The following SLC25A25 variants were observed in gnomAD, a reference collection of about 807,000 sequenced individuals.
SLC25A25 encodes mitochondrial adenyl nucleotide antiporter SLC25A25.
Under a neutral mutation model 57.7 loss-of-function variants are expected in SLC25A25, and 32 were observed. That is an observed-to-expected ratio of 0.55 (90% CI 0.42 to 0.74). SLC25A25 has a LOEUF of 0.74. SLC25A25 is among the 30% of genes least tolerant of loss of function. The probability of loss-of-function intolerance (pLI) is 0.00; values close to 1 mark genes in which losing one functional copy is unlikely to be tolerated. For synonymous variants in SLC25A25, 306 were observed against 291.2 expected (o/e 1.05, Z -0.52); for missense variants, 556 against 701.3 (o/e 0.79, Z 2.34).
intron 1 of SLC25A25, among the ~76,000 whole-genome samples, chr9:128,083,792 A>G (rs910324101): frequency 2.6e-5 from 4 of 151,740 alleles, no homozygotes; most frequent in African/African-American, 9.7e-5. Flanking sequence ...TGCTGGGATT[A>G]CAGGCGTGAG....
At chr9:128,100,235 C>T (rs149807546) in intron 1 of SLC25A25, among the ~76,000 whole-genome samples, 4 of 152,246 alleles carry the variant, frequency 2.6e-5, no homozygotes, top group Admixed American at 6.5e-5. Context: ...GCATTTGGCA[C>T]GCCCTGCGGC....
At position 128,099,515 on chromosome 9, in the gene SLC25A25, T is replaced by G; in HGVS notation, c.262-1581T>G. Reference sequence around the variant, plus strand: ...GATGTTCGCCTCCTGCCTAAATGGCTTGTCCACTCTATTTCCATTCCTGTT... The same window carrying G: ...GATGTTCGCCTCCTGCCTAAATGGCGTGTCCACTCTATTTCCATTCCTGTT... On this transcript the variant is annotated intron_variant, in intron 1 of 10. Transcript: ENST00000373069. The surrounding 1 kb of genome is among the most constrained non-coding windows in gnomAD (Gnocchi z 6.8). The G allele has an allele frequency of 1.6e-6, 1 of 622,890 alleles. No individual in the cohort carries two copies. Among genetic ancestry groups the G allele is most frequent in the Non-Finnish European group, 2.2e-6 (1 of 453,416 alleles). 38.6% of individuals were successfully genotyped at this position (622,890 alleles called of 1,614,324 possible).
Position 128,101,460 on chromosome 9 carries a change from C to T in SLC25A25, c.476+64C>T. Reference sequence around the variant, plus strand: ...GATGAAGGGAAGGCTCTGAGACTAACCCTCCGATGCCATTCCCTGGGCTGA... The same window carrying T: ...GATGAAGGGAAGGCTCTGAGACTAATCCTCCGATGCCATTCCCTGGGCTGA... On this transcript the variant is annotated intron_variant, in intron 3 of 10. Coordinates refer to ENST00000373069, the MANE Select transcript of SLC25A25 (RefSeq NM_001330988.2). This position sits in a 1 kb window ranked among gnomAD's most constrained non-coding sequence, Gnocchi z 4.9. 4 of 1,545,256 alleles carry T rather than the reference C, an allele frequency of 2.6e-6. No individual in the cohort carries two copies. Among genetic ancestry groups the T allele is most frequent in the East Asian group, 2.3e-5 (1 of 44,322 alleles).
At position 128,095,366 on chromosome 9, in the gene SLC25A25, G is replaced by A. The variant is rs10819357; in HGVS notation, c.262-5730G>A. Among the ~76,000 whole-genome samples the A allele has an allele frequency of 0.13, 19,062 of 152,120 alleles. 1,303 individuals are homozygous for A. The highest frequency in any genetic ancestry group is 0.22 in the South Asian group (1,077 of 4,816). On this transcript the variant is annotated intron_variant, in intron 1 of 10. Coordinates refer to ENST00000373069, the MANE Select transcript of SLC25A25 (RefSeq NM_001330988.2). This position sits in a 1 kb window ranked among gnomAD's most constrained non-coding sequence, Gnocchi z 4.4. ...CTTTGGGAATTGGGCAAATCAGGTCGCCTCTCCCAGGCCTGTTTGCTCAAC... is the reference window on the plus strand; with the variant it reads ...CTTTGGGAATTGGGCAAATCAGGTCACCTCTCCCAGGCCTGTTTGCTCAAC...
Position 128,106,364 on chromosome 9 carries a change from C to T in SLC25A25, c.1056C>T (p.Thr352=). ...CTCCTGTTGTGCAGGTCCTGAAGAC[C>T]CGGATGGCGCTGCGGAAGACAGGCC... The part of the protein sequence containing the change: ...SSIYPMEVLK[T]RMALRKTGQY... The change falls in exon 9 of 11, where the codon ACC becomes ACT. Residue 352 remains threonine (T), a synonymous_variant. Coordinates refer to ENST00000373069, the MANE Select transcript of SLC25A25 (RefSeq NM_001330988.2). The T allele has an allele frequency of 1.2e-6, 2 of 1,613,702 alleles. No individual in the cohort carries two copies. The highest frequency in any genetic ancestry group is 2.2e-5 in the South Asian group (2 of 91,058).
chr9:128,106,892 C>G lies in SLC25A25; in HGVS notation c.1213-137C>G, dbSNP rs543689829. ...ATTCCCAGTGACAGCAGAAACAGGGCAGCCAGGCTAGGAGCCCAGCCAGGC... is the reference window on the plus strand; with the variant it reads ...ATTCCCAGTGACAGCAGAAACAGGGGAGCCAGGCTAGGAGCCCAGCCAGGC... On this transcript the variant is annotated intron_variant, in intron 9 of 10. Transcript: ENST00000373069. 9 of 1,048,170 alleles carry G rather than the reference C, an allele frequency of 8.6e-6. No individual in the cohort carries two copies. In the African/African-American group the frequency reaches 1.3e-4, roughly 15 times the overall value. 64.9% of individuals were successfully genotyped at this position (1,048,170 alleles called of 1,614,324 possible).
intron 1 of SLC25A25, among the ~76,000 whole-genome samples, chr9:128,097,269 A>T (rs868575108): frequency 6.6e-6 from 1 of 152,306 alleles, no homozygotes; most frequent in Middle Eastern, 3.4e-3. Context: ...GGAAGGAATG[A>T]GTGGAGAATT....
At position 128,107,273 on chromosome 9, in the gene SLC25A25, C is replaced by T. The variant is rs150859583; in HGVS notation, c.1377C>T (p.Gly459=). ...TCCATCCTGCAGCCTCTATTGAGGG[C>T]GCTCCGGAGGTGACCATGAGCAGCC... is the stretch of plus-strand genomic sequence containing the variant. The part of the protein sequence containing the change: ...TRMQAQASIE[G]APEVTMSSLF... Residue 459 remains glycine (G), a synonymous_variant, in exon 11 of 11, where the codon GGC becomes GGT. Transcript: ENST00000373069. 1.4e-4 allele frequency: 216 copies of T among 1,599,868 alleles called. 1 individual carries two copies. In the African/African-American group the frequency reaches 2.4e-3, roughly 18 times the overall value.
At chr9:128,075,094 G>A (rs1588746930) in intron 1 of SLC25A25, among the ~76,000 whole-genome samples, 1 of 152,152 alleles carries the variant, frequency 6.6e-6, no homozygotes, top group Non-Finnish European at 1.5e-5. Flanking sequence ...CCAAGATCAC[G>A]CCACTGCACT....
intron 1 of SLC25A25, among the ~76,000 whole-genome samples, chr9:128,080,703 G>A (rs1833137162): frequency 6.6e-6 from 1 of 152,130 alleles, no homozygotes; most frequent in Non-Finnish European, 1.5e-5. Context: ...GGGATTACAG[G>A]CGTGAGCCAC....
At chr9:128,084,989 T>C (rs780588903) in intron 1 of SLC25A25, among the ~76,000 whole-genome samples, 12 of 152,246 alleles carry the variant, frequency 7.9e-5, no homozygotes, top group Middle Eastern at 3.4e-3. Context: ...AGAAATGTAC[T>C]ATATTAACCT....
At chr9:128,097,234 C>A (rs1347957607) in intron 1 of SLC25A25, among the ~76,000 whole-genome samples, 1 of 152,182 alleles carries the variant, frequency 6.6e-6, no homozygotes, top group African/African-American at 2.4e-5. Context: ...GACGTGGTCT[C>A]TTCCTCCGCA....
chr9:128,073,738 C>CTT (rs879805302), intron 1 of SLC25A25, among the ~76,000 whole-genome samples: 149 of 145,530 alleles, frequency 1.0e-3, no homozygotes, highest in African/African-American at 3.4e-3. Context: ...AACTAGAATA[C>CTT]TTTTTTTTTT....
chr9:128,077,970 G>A (rs1419992277), intron 1 of SLC25A25, among the ~76,000 whole-genome samples: 2 of 151,304 alleles, frequency 1.3e-5, no homozygotes, highest in Admixed American at 6.6e-5. Flanking sequence ...AGGTTGCAGT[G>A]AACCGAGACT....
chr9:128,102,394 CATTG>C lies in SLC25A25; in HGVS notation c.539_542del (p.Ile180ThrfsTer36). ...GCATGGATAAAAACGGCACGATGACCATTGACTGGAACGAGTGGAGAGACTACCA... is the reference window on the plus strand; with the variant it reads ...GCATGGATAAAAACGGCACGATGACCACTGGAACGAGTGGAGAGACTACCA... On this transcript the variant is annotated frameshift_variant, in exon 5 of 11. Coordinates refer to ENST00000373069, the MANE Select transcript of SLC25A25 (RefSeq NM_001330988.2). LOFTEE classifies it high-confidence loss of function. The surrounding 1 kb of genome is among the most constrained non-coding windows in gnomAD (Gnocchi z 4.1). The C allele has an allele frequency of 6.2e-7, 1 of 1,613,998 alleles. No individual in the cohort carries two copies. The highest frequency in any genetic ancestry group is 8.5e-7 in the Non-Finnish European group (1 of 1,179,948).
Position 128,068,523 on chromosome 9 carries a change from C to T in SLC25A25, c.204C>T (p.Asn68=), listed in dbSNP as rs752387197. Residue 68 remains asparagine, a synonymous_variant, in exon 1 of 11, where the codon AAC becomes AAT. Transcript: ENST00000373069. ...DVNRDGGLCV[N]DLAVGLRRLG... ...ACCGGGACGGCGGCCTGTGTGTCAA[C>T]GACCTGGCGGTGGGGCTGCGGCGCC... 1 of 1,497,782 alleles carries T rather than the reference C, an allele frequency of 6.7e-7. No individual in the cohort carries two copies. Among genetic ancestry groups the T allele is most frequent in the East Asian group, 2.7e-5 (1 of 37,588 alleles). The allele number at this position is 1,497,782 out of a possible 1,614,324, so 92.8% of individuals were successfully genotyped here.
intron 1 of SLC25A25, among the ~76,000 whole-genome samples, chr9:128,071,336 T>G (rs923643714): frequency 6.6e-6 from 1 of 152,168 alleles, no homozygotes; most frequent in Admixed American, 6.5e-5. Context: ...CTAAGTTCTA[T>G]GATAGGAAGC....
At chr9:128,096,438 G>A (rs144078423) in intron 1 of SLC25A25, among the ~76,000 whole-genome samples, 2 of 152,320 alleles carry the variant, frequency 1.3e-5, no homozygotes, top group Non-Finnish European at 2.9e-5. Flanking sequence ...GAACCTGGGA[G>A]GCAGAGGTTG....
At position 128,107,291 on chromosome 9, in the gene SLC25A25, G is replaced by C; in HGVS notation, c.1395G>C (p.Met465Ile). ...TTGAGGGCGCTCCGGAGGTGACCATGAGCAGCCTCTTCAAACATATCCTGC... is the reference window on the plus strand; with the variant it reads ...TTGAGGGCGCTCCGGAGGTGACCATCAGCAGCCTCTTCAAACATATCCTGC... ...ASIEGAPEVT[M>I]SSLFKHILRT... Residue 465 changes from methionine to isoleucine, a missense_variant, in exon 11 of 11, where the codon ATG becomes ATC. Met to Ile is a conservative substitution (Grantham distance 10). Coordinates refer to ENST00000373069, the MANE Select transcript of SLC25A25 (RefSeq NM_001330988.2). The C allele has an allele frequency of 6.3e-7, 1 of 1,581,036 alleles. No homozygotes were observed. Among genetic ancestry groups the C allele is most frequent in the Non-Finnish European group, 8.6e-7 (1 of 1,158,606 alleles).
Sources: gnomAD v4.1 joint callset for allele counts (sites outside exome capture counted in the v4.1 genomes callset) on GRCh38, gnomAD v4.1.1 for gene constraint, Gnocchi (gnomAD v3.1) non-coding constraint, MANE v1.5 for transcripts, NCBI Gene and HGNC (gene_info 2026-07-23, HGNC 2026-07-21) for gene names.